Variants in SLC9A9 observed in about 807,000 individuals in gnomAD.
SLC9A9 encodes sodium/hydrogen exchanger 9.
Under a neutral mutation model 77.8 loss-of-function variants are expected in SLC9A9, and 62 were observed. That is an observed-to-expected ratio of 0.80 (90% CI 0.65 to 0.98). The LOEUF is 0.98. Ranked by LOEUF, SLC9A9 falls within the 50% of genes least tolerant of loss-of-function variation. SLC9A9 has a pLI of 0.00. For missense variants in SLC9A9, 775 were observed against 774.9 expected, an observed-to-expected ratio of 1.00 and a Z score of 0.00; for synonymous variants, 320 against 283.5, an observed-to-expected ratio of 1.13 and a Z score of -1.29.
intron 2 of SLC9A9, among the ~76,000 whole-genome samples, chr3:143,823,460 C>G (rs532511199): frequency 3.3e-5 from 5 of 152,254 alleles, no homozygotes; most frequent in East Asian, 3.9e-4. Flanking sequence ...GTCAGGCCAA[C>G]AGCCCATGCA....
intron 4 of SLC9A9, among the ~76,000 whole-genome samples, chr3:143,777,550 A>G (rs1286153545): frequency 1.3e-5 from 2 of 152,186 alleles, no homozygotes; most frequent in African/African-American, 4.8e-5. Flanking sequence ...AAGCTATAAC[A>G]TAAAAATGAT....
chr3:143,545,205 A>G (rs912710057), intron 9 of SLC9A9, among the ~76,000 whole-genome samples: 1 of 152,144 alleles, frequency 6.6e-6, no homozygotes, highest in African/African-American at 2.4e-5. Flanking sequence ...CCTCCATGAA[A>G]TCTGCGTGAC....
At chr3:143,627,039 AT>A (rs2038342383) in intron 6 of SLC9A9, 2 of 152,012 alleles carry the variant, frequency 1.3e-5, no homozygotes, top group African/African-American at 4.8e-5. Flanking sequence ...TGCCTGGCTA[AT>A]TTTTGTATTT....
chr3:143,395,756 AAAAC>A (rs1157054343), intron 12 of SLC9A9, among the ~76,000 whole-genome samples: 2 of 152,244 alleles, frequency 1.3e-5, no homozygotes, highest in Non-Finnish European at 2.9e-5. Flanking sequence ...TTACAAGAAA[AAAAC>A]AAACAACCCC....
At chr3:143,522,475 T>G (rs1004664442) in intron 9 of SLC9A9, among the ~76,000 whole-genome samples, 2 of 152,168 alleles carry the variant, frequency 1.3e-5, no homozygotes, top group African/African-American at 4.8e-5. Flanking sequence ...ATGACAGGCA[T>G]TTAGTTGGTC....
intron 11 of SLC9A9, among the ~76,000 whole-genome samples, chr3:143,483,779 T>C (rs2035610510): frequency 6.6e-6 from 1 of 152,082 alleles, no homozygotes; most frequent in Admixed American, 6.5e-5. Context: ...TGGACAACCA[T>C]TTATCATATG....
At chr3:143,708,600 C>T (rs746420358) in intron 4 of SLC9A9, among the ~76,000 whole-genome samples, 2 of 152,182 alleles carry the variant, frequency 1.3e-5, no homozygotes, top group African/African-American at 4.8e-5. Context: ...TATTCACTGA[C>T]CAGTTTGTAA....
chr3:143,590,768 A>G (rs2037632260), intron 6 of SLC9A9, among the ~76,000 whole-genome samples: 1 of 152,210 alleles, frequency 6.6e-6, no homozygotes, highest in Non-Finnish European at 1.5e-5. Context: ...AGTTGTGTAG[A>G]CTTGCTGATT....
intron 12 of SLC9A9, among the ~76,000 whole-genome samples, chr3:143,393,555 G>A (rs904835434): frequency 1.3e-5 from 2 of 152,030 alleles, no homozygotes; most frequent in South Asian, 2.1e-4. Flanking sequence ...AGAAGCAAGA[G>A]CAAACACATT....
chr3:143,486,086 T>A (rs1333977373), intron 11 of SLC9A9, among the ~76,000 whole-genome samples: 2 of 151,982 alleles, frequency 1.3e-5, no homozygotes, highest in Non-Finnish European at 2.9e-5. Flanking sequence ...AGATTTCTCA[T>A]CAGAAACTTT....
intron 4 of SLC9A9, among the ~76,000 whole-genome samples, chr3:143,780,605 A>G (rs1481318921): frequency 1.3e-5 from 2 of 152,260 alleles, no homozygotes; most frequent in Non-Finnish European, 2.9e-5. Flanking sequence ...GAGTTAAGAA[A>G]GCATTGTCCT....
intron 9 of SLC9A9, among the ~76,000 whole-genome samples, chr3:143,515,533 GTT>G (rs1171572311): frequency 6.6e-6 from 1 of 152,230 alleles, no homozygotes; most frequent in Admixed American, 6.5e-5. Context: ...GTTTTCTACA[GTT>G]TTTTTCCCAC....
intron 4 of SLC9A9, among the ~76,000 whole-genome samples, chr3:143,702,742 A>G (rs1576669540): frequency 6.6e-6 from 1 of 152,070 alleles, no homozygotes; most frequent in African/African-American, 2.4e-5. Flanking sequence ...TAAGTGAACT[A>G]AAGTCTCCAA....
chr3:143,776,485 T>C (rs1046534815), intron 4 of SLC9A9, among the ~76,000 whole-genome samples: 2 of 152,244 alleles, frequency 1.3e-5, no homozygotes, highest in African/African-American at 4.8e-5. Context: ...TCTAATGCAC[T>C]ATAAAATCAA....
intron 5 of SLC9A9, among the ~76,000 whole-genome samples, chr3:143,665,647 G>T (rs1197666657): frequency 2.0e-5 from 3 of 152,000 alleles, no homozygotes; most frequent in Non-Finnish European, 4.4e-5. Context: ...TGATAAAGGG[G>T]ATATCACCAC....
rs76551506 is a variant in SLC9A9 at position 143,382,506 on chromosome 3, G to A, written c.1470-392C>T. Among the ~76,000 whole-genome samples, 154 of 152,278 alleles carry A rather than the reference G, an allele frequency of 1.0e-3. 4 individuals are homozygous for A. In the East Asian group the frequency reaches 0.028, roughly 28 times the overall value. ...AATGCCCTGGGAATTTGTGTGCCCAGCCTGGAGCAGGGTTTCTTGAGGCAG... is the reference window on the plus strand; with the variant it reads ...AATGCCCTGGGAATTTGTGTGCCCAACCTGGAGCAGGGTTTCTTGAGGCAG... On this transcript the variant is annotated intron_variant, in intron 12 of 15. Transcript: ENST00000316549.
intron 5 of SLC9A9, among the ~76,000 whole-genome samples, chr3:143,690,187 T>A (rs890751357): frequency 1.1e-4 from 17 of 151,980 alleles, no homozygotes; most frequent in African/African-American, 3.6e-4. Context: ...TATATTATAC[T>A]TTTGAGAATA....
intron 2 of SLC9A9, among the ~76,000 whole-genome samples, chr3:143,798,375 C>T (rs1404871894): frequency 6.6e-6 from 1 of 152,178 alleles, no homozygotes; most frequent in Non-Finnish European, 1.5e-5. Context: ...GGACACCTGC[C>T]TTGGTCATTC....
chr3:143,481,558 T>C (rs1435800434), intron 11 of SLC9A9, among the ~76,000 whole-genome samples: 2 of 152,008 alleles, frequency 1.3e-5, no homozygotes, highest in East Asian at 1.9e-4. Flanking sequence ...CAGAATGAGA[T>C]GGGAGAAATG....
Sources: gnomAD v4.1 joint callset for allele counts (sites outside exome capture counted in the v4.1 genomes callset) on GRCh38, gnomAD v4.1.1 for gene constraint, MANE v1.5 for transcripts, NCBI Gene and HGNC (gene_info 2026-07-23, HGNC 2026-07-21) for gene names.